Variants in TCF7L2 observed in about 807,000 individuals in gnomAD.
TCF7L2 encodes the protein transcription factor 7-like 2.
In TCF7L2, 23 loss-of-function variants were observed where a neutral mutation model predicts 77.9. The ratio of observed to expected loss-of-function variants is 0.30; its 90% confidence interval spans 0.21 to 0.42. The LOEUF (loss-of-function observed/expected upper bound fraction) is 0.42, where lower values mean the gene tolerates loss of function less well. Among genes scored for constraint, TCF7L2 ranks in the 10% least tolerant of loss-of-function variants. TCF7L2 has a pLI of 1.00. For missense variants in TCF7L2, 654 were observed against 793.1 expected (o/e 0.82, Z 2.11); for synonymous variants, 413 against 340.2 (o/e 1.21, Z -2.36).
chr10:112,951,693 C>A (rs1369808022), intron 3 of TCF7L2, 86 bp downstream of exon 3: 1 of 707,722 alleles, frequency 1.4e-6, no homozygotes, highest in East Asian at 1.2e-4. Context: ...TGCCCTGCCC[C>A]CTCCCCGCCT....
At chr10:113,025,927 G>A (rs2049070045) in intron 4 of TCF7L2, among the ~76,000 whole-genome samples, 1 of 151,704 alleles carries the variant, frequency 6.6e-6, no homozygotes. Context: ...ACCCAGGGTG[G>A]AGTGACAGTG....
intron 4 of TCF7L2, among the ~76,000 whole-genome samples, chr10:113,033,798 C>T (rs1293331690): frequency 6.6e-6 from 1 of 152,186 alleles, no homozygotes; most frequent in African/African-American, 2.4e-5. Context: ...AGCCTAGTCT[C>T]CTATACCTTC....
intron 4 of TCF7L2, among the ~76,000 whole-genome samples, chr10:113,034,127 C>T (rs943790665): frequency 6.6e-6 from 1 of 152,168 alleles, no homozygotes; most frequent in African/African-American, 2.4e-5. Context: ...GACAATCAGG[C>T]CTCTTCTTTA....
intron 5 of TCF7L2, among the ~76,000 whole-genome samples, chr10:113,040,710 A>T (rs756535606): frequency 2.6e-5 from 4 of 152,232 alleles, no homozygotes; most frequent in Non-Finnish European, 4.4e-5. Context: ...TGATAGAGAA[A>T]GCATTTGTTT....
intron 5 of TCF7L2, among the ~76,000 whole-genome samples, chr10:113,069,867 A>T (rs568032234): frequency 6.6e-6 from 1 of 152,142 alleles, no homozygotes; most frequent in Non-Finnish European, 1.5e-5. Flanking sequence ...TAGTGGCAAG[A>T]ATGCTTTGGT....
intron 5 of TCF7L2, among the ~76,000 whole-genome samples, chr10:113,093,989 G>T (rs1338526358): frequency 1.3e-5 from 2 of 152,228 alleles, no homozygotes; most frequent in African/African-American, 2.4e-5. Flanking sequence ...AGTGGCCGGG[G>T]ATTAGCGAGA....
intron 4 of TCF7L2, among the ~76,000 whole-genome samples, chr10:113,011,099 C>A (rs776240590): frequency 6.6e-6 from 1 of 152,192 alleles, no homozygotes; most frequent in Non-Finnish European, 1.5e-5. Flanking sequence ...CTTGAAGAAA[C>A]CCTGCTTTAG....
At chr10:112,978,633 ATT>A (rs988727404) in intron 4 of TCF7L2, among the ~76,000 whole-genome samples, 75 of 126,836 alleles carry the variant, frequency 5.9e-4, no homozygotes, top group Middle Eastern at 4.0e-3. Context: ...CGCCTGGCTA[ATT>A]TTTTTTTTTT....
intron 5 of TCF7L2, among the ~76,000 whole-genome samples, chr10:113,046,065 T>C (rs2053390109): frequency 1.3e-5 from 2 of 151,964 alleles, no homozygotes; most frequent in Admixed American, 1.3e-4. Context: ...TGGTGTAGAC[T>C]CCAAAGTGTA....
chr10:112,990,849 A>C (rs1027337530), intron 4 of TCF7L2, among the ~76,000 whole-genome samples: 3 of 152,224 alleles, frequency 2.0e-5, no homozygotes, highest in Non-Finnish European at 2.9e-5. Flanking sequence ...TTGAGTGCCA[A>C]GACAGACCGT....
intron 5 of TCF7L2, among the ~76,000 whole-genome samples, chr10:113,135,374 G>A (rs1305240022): frequency 6.6e-6 from 1 of 152,086 alleles, no homozygotes; most frequent in East Asian, 1.9e-4. Context: ...GGCTGTTAAA[G>A]GACCTTTTCT....
At chr10:113,060,014 C>CGGTG (rs2056169860) in intron 5 of TCF7L2, among the ~76,000 whole-genome samples, 1 of 152,132 alleles carries the variant, frequency 6.6e-6, no homozygotes, top group African/African-American at 2.4e-5. Context: ...TATCCGCCCC[C>CGGTG]GGTGGATATG....
chr10:113,130,479 T>G (rs2066409500), intron 5 of TCF7L2, among the ~76,000 whole-genome samples: 1 of 152,222 alleles, frequency 6.6e-6, no homozygotes, highest in African/African-American at 2.4e-5. Context: ...CTGTGTAAAC[T>G]GTGTATTTTG....
intron 5 of TCF7L2, among the ~76,000 whole-genome samples, chr10:113,055,687 T>G (rs1459180072): frequency 2.6e-5 from 4 of 152,200 alleles, no homozygotes; most frequent in African/African-American, 9.6e-5. Context: ...CAAGAGGTCC[T>G]CCTGCCCCAG....
chr10:113,077,290 G>A (rs1257511498), intron 5 of TCF7L2, among the ~76,000 whole-genome samples: 1 of 152,186 alleles, frequency 6.6e-6, no homozygotes, highest in African/African-American at 2.4e-5. Context: ...GTTACACAGA[G>A]ATAAGATAGT....
intron 5 of TCF7L2, among the ~76,000 whole-genome samples, chr10:113,069,449 C>T (rs1449168479): frequency 6.6e-6 from 1 of 152,000 alleles, no homozygotes; most frequent in African/African-American, 2.4e-5. Context: ...AGGCTGGTCT[C>T]GAACTCCTGA....
intron 4 of TCF7L2, among the ~76,000 whole-genome samples, chr10:112,983,491 A>AATT (rs1460855312): frequency 1.7e-3 from 249 of 150,832 alleles, no homozygotes; most frequent in Non-Finnish European, 2.8e-3. Context: ...ATAAATAAAT[A>AATT]AATTAATTAA....
Position 113,083,259 on chromosome 10 carries a change from G to GACACACACACAC in TCF7L2, c.552+43156_552+43167dup, listed in dbSNP as rs10649541. The stretch of plus-strand genomic sequence containing the variant: ...ACACTGCCCTCCACATATACTGATA[G>GACACACACACAC]ACACACACACACACACACACACACA... On this transcript the variant is annotated intron_variant, in intron 5 of 13. Transcript: ENST00000627217. Among the ~76,000 whole-genome samples, 424 of 143,460 alleles carry GACACACACACAC rather than the reference G, an allele frequency of 3.0e-3. 1 individual carries two copies. Among genetic ancestry groups the GACACACACACAC allele is most frequent in the African/African-American group, 7.1e-3 (271 of 38,068 alleles). 94.1% of individuals were successfully genotyped at this position (143,460 alleles called of 152,430 possible). A position where few individuals can be genotyped will look rare whatever the true frequency, so the allele number is the denominator to read the frequency against.
intron 4 of TCF7L2, among the ~76,000 whole-genome samples, chr10:113,019,798 A>AT (rs76642887): frequency 3.7e-4 from 55 of 147,770 alleles, no homozygotes; most frequent in East Asian, 1.2e-3. Flanking sequence ...AACAGCTGAC[A>AT]TTTTTTTTTT....
Sources: gnomAD v4.1 joint callset for allele counts (sites outside exome capture counted in the v4.1 genomes callset) on GRCh38, gnomAD v4.1.1 for gene constraint, MANE v1.5 for transcripts, NCBI Gene and HGNC (gene_info 2026-07-23, HGNC 2026-07-21) for gene names.